The following IFT22 variants were observed in gnomAD, a reference collection of about 807,000 sequenced individuals.
The protein encoded by IFT22 is intraflagellar transport 22.
In IFT22, 13 loss-of-function variants were observed where a neutral mutation model predicts 21.0. That is an observed-to-expected ratio of 0.62 (90% confidence interval 0.40 to 0.98). The LOEUF (loss-of-function observed/expected upper bound fraction) is 0.98, where lower values mean the gene tolerates loss of function less well. Among genes scored for constraint, IFT22 ranks in the 50% least tolerant of loss-of-function variants. The probability of loss-of-function intolerance (pLI) is 0.00; values close to 1 mark genes in which losing one functional copy is unlikely to be tolerated. For missense variants in IFT22, 227 were observed against 228.9 expected (o/e 0.99, Z 0.06); for synonymous variants, 67 against 82.4 (o/e 0.81, Z 1.01).
At chr7:101,320,423 C>G (rs1400773973) in intron 1 of IFT22, among the ~76,000 whole-genome samples, 3 of 151,534 alleles carry the variant, frequency 2.0e-5, no homozygotes, top group East Asian at 3.9e-4. Flanking sequence ...CCACGCCCGG[C>G]TAATTTTTTG....
chr7:101,318,198 C>T lies in IFT22; in HGVS notation c.132G>A (p.Glu44=), dbSNP rs145140742. 8.1e-6 allele frequency: 13 copies of T among 1,612,840 alleles called. No homozygotes were observed. Among genetic ancestry groups the T allele is most frequent in the Non-Finnish European group, 1.1e-5 (13 of 1,179,144 alleles). The change falls in exon 3 of 5, where the codon GAG becomes GAA. Residue 44 remains glutamate, a synonymous_variant. Transcript: ENST00000315322. Reference sequence around the variant, plus strand: ...TGTTGTTGCTGGTAACATGCGGGTTCTCAAATTCTAGGATCCTAAAAGGAA... The same window carrying T: ...TGTTGTTGCTGGTAACATGCGGGTTTTCAAATTCTAGGATCCTAAAAGGAA... The part of the protein sequence containing the change: ...PTQGVRILEF[E]NPHVTSNNKG...
intron 3 of IFT22, among the ~76,000 whole-genome samples, 178 bp from the exon 4 acceptor site, chr7:101,316,720 G>A (rs1009404290): frequency 9.2e-5 from 14 of 152,046 alleles, no homozygotes; most frequent in African/African-American, 2.7e-4. Context: ...TCAGGAGATC[G>A]AGACAATCCT....
rs752947521 is a variant in IFT22 at position 101,318,938 on chromosome 7, A to G, written c.116+18T>C. 6.6e-5 allele frequency: 106 copies of G among 1,596,538 alleles called. 1 individual carries two copies. The highest frequency in any genetic ancestry group is 8.3e-5 in the Admixed American group (5 of 59,972). On this transcript the variant is annotated intron_variant, in intron 2 of 4. Transcript: ENST00000315322. ...GAGCCAGTTGGACACTCTGGGACACAGATTTGTCAGGGCTCACCTCACTCC... is the reference window on the plus strand; with the variant it reads ...GAGCCAGTTGGACACTCTGGGACACGGATTTGTCAGGGCTCACCTCACTCC...
At chr7:101,316,308 CAAAAG>C (rs763325110) in intron 4 of IFT22, 27 bp downstream of exon 4, 2 of 1,606,864 alleles carry the variant, frequency 1.2e-6, no homozygotes, top group Non-Finnish European at 1.7e-6. Flanking sequence ...ACATTCAAGA[CAAAAG>C]AGGAAGAGAA....
chr7:101,319,223 G>A (rs1423217636), intron 1 of IFT22, among the ~76,000 whole-genome samples, 191 bp from the exon 2 acceptor site: 1 of 152,032 alleles, frequency 6.6e-6, no homozygotes, highest in Non-Finnish European at 1.5e-5. Context: ...GGGGTCCAGG[G>A]AGCATGGGAT....
Position 101,321,778 on chromosome 7 carries a change from G to A in IFT22, c.-69C>T, listed in dbSNP as rs142335052. The A allele has an allele frequency of 1.9e-3, 2,760 of 1,445,346 alleles. 10 individuals carry two copies. Among genetic ancestry groups the A allele is most frequent in the South Asian group, 4.6e-3 (335 of 73,552 alleles). 89.5% of individuals were successfully genotyped at this position (1,445,346 alleles called of 1,614,324 possible). A position where few individuals can be genotyped will look rare whatever the true frequency, so the allele number is the denominator to read the frequency against. On this transcript the variant is annotated 5_prime_UTR_variant, in exon 1 of 5. Transcript: ENST00000315322. ...GCGCGTCAGGACGGAGCTCTACTTG[G>A]CCGCTTTCGTTTCCATGGCGACGGA...
At chr7:101,316,103 A>C (rs1790140685) in intron 4 of IFT22, 1 of 488,308 alleles carries the variant, frequency 2.0e-6, no homozygotes, top group Non-Finnish European at 3.7e-6. Context: ...GGCTCAAGCA[A>C]TTCTCCTGCC....
Position 101,318,099 on chromosome 7 carries a change from G to A in IFT22, c.206+25C>T, listed in dbSNP as rs1265475593. The A allele has an allele frequency of 3.8e-6, 6 of 1,595,700 alleles. No individual in the cohort carries two copies. In the Admixed American group the frequency reaches 5.0e-5, roughly 13 times the overall value. On this transcript the variant is annotated intron_variant, in intron 3 of 4. Coordinates refer to ENST00000315322, the MANE Select transcript of IFT22 (RefSeq NM_022777.4). ...GCTGATTTTTAAACCATTTGATGAA[G>A]TGACTTTCTTTAAAGGAAACATACT... is the stretch of plus-strand genomic sequence containing the variant.
chr7:101,320,372 G>A (rs902320730), intron 1 of IFT22, among the ~76,000 whole-genome samples: 2 of 151,772 alleles, frequency 1.3e-5, no homozygotes, highest in Non-Finnish European at 2.9e-5. Context: ...CCGGGTTCAC[G>A]CCTCAGCCTC....
At position 101,310,988 on chromosome 7, in the gene IFT22, AAT is replaced by A; in HGVS notation, c.*4144_*4145del. Reference sequence around the variant, plus strand: ...TCAGGTGAACAAAATCTGCTGGGTTAATTTTTTTTTTTTTTTTTTTTTTGAGA... The same window carrying A: ...TCAGGTGAACAAAATCTGCTGGGTTATTTTTTTTTTTTTTTTTTTTTGAGA... On this transcript the variant is annotated 3_prime_UTR_variant, in exon 5 of 5. Transcript: ENST00000315322. The A allele has an allele frequency of 1.5e-5, 4 of 264,588 alleles. No individual in the cohort carries two copies. Among genetic ancestry groups the A allele is most frequent in the South Asian group, 3.6e-5 (1 of 27,946 alleles). The allele number at this position is 264,588 out of a possible 1,614,324, so 16.4% of individuals were successfully genotyped here.
Position 101,316,337 on chromosome 7 carries a change from TAC to T in IFT22, c.409+1_409+2del, listed in dbSNP as rs1562932138. On this transcript the variant is annotated splice_donor_variant, in intron 4 of 4. Transcript: ENST00000315322. LOFTEE classifies it high-confidence loss of function. Reference sequence around the variant, plus strand: ...AGAGGAAGAGAAATTCCAGTTTCCTTACACAAAGACAGGCTTCCTTTATCATC... The same window carrying T: ...AGAGGAAGAGAAATTCCAGTTTCCTTACAAAGACAGGCTTCCTTTATCATC... 6.2e-7 allele frequency: 1 copy of T among 1,613,940 alleles called. No homozygotes were observed.
intron 3 of IFT22, among the ~76,000 whole-genome samples, chr7:101,317,130 T>C (rs1019471436): frequency 6.6e-6 from 1 of 151,784 alleles, no homozygotes; most frequent in African/African-American, 2.4e-5. Flanking sequence ...TAAAGGTGGA[T>C]GATTTCTTCA....
At chr7:101,316,314 A>C in intron 4 of IFT22, 26 bp downstream of exon 4, 7 of 1,609,062 alleles carry the variant, frequency 4.4e-6, no homozygotes, top group Non-Finnish European at 6.0e-6. Context: ...AAGACAAAAG[A>C]GGAAGAGAAA....
chr7:101,315,298 A>T lies in IFT22; in HGVS notation c.410-16T>A, dbSNP rs768493082. 6.2e-7 allele frequency: 1 copy of T among 1,613,996 alleles called. No individual in the cohort carries two copies. The highest frequency in any genetic ancestry group is 1.1e-5 in the South Asian group (1 of 91,072). ...AAGGGTGGCGCTTGAAAATGAAGATAAGGTTAATTAGGCAAAGAGTTTCCA... is the reference window on the plus strand; with the variant it reads ...AAGGGTGGCGCTTGAAAATGAAGATTAGGTTAATTAGGCAAAGAGTTTCCA... On this transcript the variant is annotated splice_polypyrimidine_tract_variant and intron_variant, in intron 4 of 4. Transcript: ENST00000315322.
rs570157566 is a variant in IFT22, at chr7:101,316,309, A to C, written c.409+31T>G. The C allele has an allele frequency of 4.4e-6, 7 of 1,607,660 alleles. No homozygotes were observed. In the South Asian group the frequency reaches 7.7e-5, roughly 18 times the overall value. On this transcript the variant is annotated intron_variant, in intron 4 of 4. Coordinates refer to ENST00000315322, the MANE Select transcript of IFT22 (RefSeq NM_022777.4). ...TGTAGGTGTCCAAAACATTCAAGAC[A>C]AAAGAGGAAGAGAAATTCCAGTTTC... is the stretch of plus-strand genomic sequence containing the variant.
rs1790044879 is a variant in IFT22 at position 101,313,724 on chromosome 7, A to T, written c.*1410T>A. 1.3e-5 allele frequency: 2 copies of T among 152,366 alleles called. No individual in the cohort carries two copies. Among genetic ancestry groups the T allele is most frequent in the Non-Finnish European group, 1.5e-5 (1 of 68,044 alleles). 9.4% of individuals were successfully genotyped at this position (152,366 alleles called of 1,614,324 possible). On this transcript the variant is annotated 3_prime_UTR_variant, in exon 5 of 5. Transcript: ENST00000315322. ...GGGTTACAAACATATTTTAGTGAGT[A>T]GGCAAATTCTCAAATACAAAATCTA...
At position 101,311,984 on chromosome 7, in the gene IFT22, AATC is replaced by A. The variant is rs1216659324; in HGVS notation, c.*3147_*3149del. Among the ~76,000 whole-genome samples the A allele has an allele frequency of 6.6e-6, 1 of 152,060 alleles. No individual in the cohort carries two copies. Among genetic ancestry groups the A allele is most frequent in the Non-Finnish European group, 1.5e-5 (1 of 68,008 alleles). On this transcript the variant is annotated 3_prime_UTR_variant, in exon 5 of 5. Coordinates refer to ENST00000315322, the MANE Select transcript of IFT22 (RefSeq NM_022777.4). The stretch of plus-strand genomic sequence containing the variant: ...TCAAAAAAACAAAACAACACAAAAA[AATC>A]TCCTAAGATGATTAAAACAAACTTG...
At chr7:101,320,594 C>T (rs113614356) in intron 1 of IFT22, among the ~76,000 whole-genome samples, 22,318 of 141,340 alleles carry the variant, frequency 0.16, 1,826 homozygotes, top group African/African-American at 0.17. Context: ...CGCATTTAGC[C>T]TTAGTCCATC....
In IFT22 at chr7:101,316,351, C is replaced by T; in HGVS notation, c.398G>A (p.Ser133Asn). The change falls in exon 4 of 5, where the codon AGC (serine) becomes AAC (asparagine). Residue 133 changes from serine (S) to asparagine (N), a missense_variant. Physicochemically the swap from Ser to Asn is conservative, Grantham distance 46 (BLOSUM62 1). Coordinates refer to ENST00000315322, the MANE Select transcript of IFT22 (RefSeq NM_022777.4). ...TCCAGTTTCCTTACACAAAGACAGG[C>T]TTCCTTTATCATCTCCAGAGCCTGG... Reference protein sequence around the residue: ...HKPGSGDDKGSLSLSPPLNKL... With the variant: ...HKPGSGDDKGNLSLSPPLNKL... 2 of 1,613,988 alleles carry T rather than the reference C, an allele frequency of 1.2e-6. No individual in the cohort carries two copies. Among genetic ancestry groups the T allele is most frequent in the Non-Finnish European group, 1.7e-6 (2 of 1,180,010 alleles).
Sources: allele counts gnomAD v4.1 joint callset (sites outside exome capture counted in the v4.1 genomes callset), GRCh38; gene constraint gnomAD v4.1.1; transcripts MANE v1.5; gene names NCBI Gene and HGNC (gene_info 2026-07-23, HGNC 2026-07-21).